OR2T11: variants seen among roughly 807,000 people sequenced by gnomAD.
The protein encoded by OR2T11 is olfactory receptor family 2 subfamily T member 11, also known as olfactory receptor 2T11.
Under a neutral mutation model 13.5 loss-of-function variants are expected in OR2T11, and 14 were observed. That is an observed-to-expected ratio of 1.04 (90% CI 0.69 to 1.62). OR2T11 has a LOEUF of 1.62. Among genes scored for constraint, OR2T11 ranks in the 40% most tolerant of loss-of-function variants. The probability of loss-of-function intolerance (pLI) is 0.00; values close to 1 mark genes in which losing one functional copy is unlikely to be tolerated. For missense variants in OR2T11, 410 were observed against 389.7 expected (o/e 1.05, Z -0.44); for synonymous variants, 163 against 154.6 (o/e 1.05, Z -0.40).
Position 248,624,415 on chromosome 1 carries a change from A to G in OR2T11, c.*1763T>C, listed in dbSNP as rs1345231547. On this transcript the variant is annotated 3_prime_UTR_variant, in exon 2 of 2. Coordinates refer to ENST00000641193, the MANE Select transcript of OR2T11 (RefSeq NM_001001964.2). ...CATTAAAAATGGTCACTAAGGTTAC[A>G]AGTAACCTTTCATGTTGCTAAATAC... is the stretch of plus-strand genomic sequence containing the variant. 7.0e-6 allele frequency: 1 copy of G among 143,564 alleles called. No homozygotes were observed. The highest frequency in any genetic ancestry group is 2.7e-5 in the African/African-American group (1 of 36,476). 8.9% of individuals were successfully genotyped at this position (143,564 alleles called of 1,614,324 possible).
Position 248,626,247 on chromosome 1 carries a change from G to C in OR2T11, c.882C>G (p.Val294=), listed in dbSNP as rs754189295. ...CAAATACCTTTTTAAATGCCCCTAT[G>C]ACGTCCTTGTTTCTGAGGCTGTAGA... is the stretch of plus-strand genomic sequence containing the variant. The part of the protein sequence containing the change: ...PLIYSLRNKD[V]IGAFKKVFAC... Residue 294 remains valine (V), a synonymous_variant, in exon 2 of 2, where the codon GTC becomes GTG. Transcript: ENST00000641193. 5 of 1,569,494 alleles carry C rather than the reference G, an allele frequency of 3.2e-6. 1 individual carries two copies. Among genetic ancestry groups the C allele is most frequent in the Non-Finnish European group, 4.3e-6 (5 of 1,153,096 alleles).
At chr1:248,630,571 G>A (rs1326654114) in intron 1 of OR2T11, among the ~76,000 whole-genome samples, 5 of 143,876 alleles carry the variant, frequency 3.5e-5, no homozygotes, top group South Asian at 2.2e-4. Flanking sequence ...TACTGCAGAT[G>A]TTAATCTAGT....
At position 248,628,815 on chromosome 1, in the gene OR2T11, A is replaced by T. The variant is rs112655569; in HGVS notation, c.-144-1543T>A. ...CATATTACTGTGAAAGGGGCTAAGG[A>T]CTGTGGCCTCCTCTGTCAGGCCTCC... is the stretch of plus-strand genomic sequence containing the variant. On this transcript the variant is annotated intron_variant, in intron 1 of 1. Coordinates refer to ENST00000641193, the MANE Select transcript of OR2T11 (RefSeq NM_001001964.2). Among the ~76,000 whole-genome samples the T allele has an allele frequency of 3.7e-3, 526 of 142,948 alleles. 96 individuals carry two copies. Among genetic ancestry groups the T allele is most frequent in the African/African-American group, 0.014 (507 of 36,224 alleles). 93.8% of individuals were successfully genotyped at this position (142,948 alleles called of 152,430 possible).
intron 1 of OR2T11, among the ~76,000 whole-genome samples, chr1:248,634,080 C>T (rs1660652695): frequency 7.1e-6 from 1 of 141,048 alleles, no homozygotes; most frequent in Admixed American, 6.9e-5. Context: ...TCAGTTTCCA[C>T]GTCGTCTCTT....
intron 1 of OR2T11, among the ~76,000 whole-genome samples, chr1:248,633,836 T>A (rs949671589): frequency 4.2e-5 from 6 of 143,928 alleles, no homozygotes; most frequent in African/African-American, 1.6e-4. Context: ...CCTTGAGAAA[T>A]GCCCCTAATG....
Position 248,627,193 on chromosome 1 carries a change from A to G in OR2T11, c.-65T>C, listed in dbSNP as rs374549249. 4.1e-5 allele frequency: 40 copies of G among 965,696 alleles called. 7 individuals carry two copies. The East Asian group carries it at 5.7e-4, about 14-fold the overall frequency. The allele number at this position is 965,696 out of a possible 1,614,324, so 59.8% of individuals were successfully genotyped here. A position where few individuals can be genotyped will look rare whatever the true frequency, so the allele number is the denominator to read the frequency against. ...CAAGGACCAGGAAGGAGGCAAGAGA[A>G]CACGGTCAAGATGGGAAAGGTCTGC... On this transcript the variant is annotated 5_prime_UTR_variant, in exon 2 of 2. Coordinates refer to ENST00000641193, the MANE Select transcript of OR2T11 (RefSeq NM_001001964.2).
chr1:248,626,501 T>A lies in OR2T11; in HGVS notation c.628A>T (p.Ile210Phe). Residue 210 changes from isoleucine (I) to phenylalanine (F), a missense_variant, in exon 2 of 2, where the codon ATC (isoleucine) becomes TTC (phenylalanine). Ile to Phe is a conservative substitution (Grantham distance 21, BLOSUM62 0). Transcript: ENST00000641193. ...ATGAGGGAGTAGGAAGTGGAGATGA[T>A]AGAGATGGGGATGAGCAACATGAGG... Reference protein sequence around the residue: ...CVLMLLIPISIISTSYSLILL... With the variant: ...CVLMLLIPISFISTSYSLILL... 6.4e-7 allele frequency: 1 copy of A among 1,571,114 alleles called. No individual in the cohort carries two copies. The highest frequency in any genetic ancestry group is 8.7e-7 in the Non-Finnish European group (1 of 1,155,178).
intron 1 of OR2T11, among the ~76,000 whole-genome samples, chr1:248,627,585 A>T (rs1660543137): frequency 7.0e-6 from 1 of 143,390 alleles, no homozygotes; most frequent in Non-Finnish European, 1.5e-5. Context: ...TCACTGAAGA[A>T]ATGAAGGGTT....
At position 248,626,909 on chromosome 1, in the gene OR2T11, T is replaced by C; in HGVS notation, c.220A>G (p.Thr74Ala). ...ATGTCTGCCAGGAGTTTTGGGACAGTGGTACAGATGAAAAGGGTGTCCATG... is the reference window on the plus strand; with the variant it reads ...ATGTCTGCCAGGAGTTTTGGGACAGCGGTACAGATGAAAAGGGTGTCCATG... ...SIMDTLFICTTVPKLLADMVS... is the reference protein window; with the variant it reads ...SIMDTLFICTAVPKLLADMVS... The change falls in exon 2 of 2, where the codon ACT becomes GCT. Residue 74 changes from threonine to alanine, a missense_variant. Physicochemically the swap from Thr to Ala is moderately conservative, Grantham distance 58. Coordinates refer to ENST00000641193, the MANE Select transcript of OR2T11 (RefSeq NM_001001964.2). 1 of 1,569,910 alleles carries C rather than the reference T, an allele frequency of 6.4e-7. No homozygotes were observed.
chr1:248,626,556 C>G lies in OR2T11; in HGVS notation c.573G>C (p.Leu191Phe). ...VLKLACADTSLYETLMYICCV... is the reference protein window; with the variant it reads ...VLKLACADTSFYETLMYICCV... Reference sequence around the variant, plus strand: ...AGCAGATGTACATCAGAGTTTCATACAAGGACGTGTCTGCACAGGCCAGTT... The same window carrying G: ...AGCAGATGTACATCAGAGTTTCATAGAAGGACGTGTCTGCACAGGCCAGTT... The change falls in exon 2 of 2, where the codon TTG becomes TTC. Residue 191 changes from leucine (L) to phenylalanine (F), a missense_variant. Transcript: ENST00000641193. 1 of 1,570,964 alleles carries G rather than the reference C, an allele frequency of 6.4e-7. No homozygotes were observed. The highest frequency in any genetic ancestry group is 8.7e-7 in the Non-Finnish European group (1 of 1,154,724).
chr1:248,633,462 A>G (rs28641997), intron 1 of OR2T11, among the ~76,000 whole-genome samples: 132,767 of 141,106 alleles, frequency 0.94, 64,204 homozygotes, highest in East Asian at 1. Flanking sequence ...GATTTTTACA[A>G]TCTTTCAAAT....
rs2103103555 is a variant in OR2T11 at position 248,631,487 on chromosome 1, C to T, written c.-145+3551G>A. Among the ~76,000 whole-genome samples the T allele has an allele frequency of 1.4e-5, 2 of 142,574 alleles. 1 individual carries two copies. Among genetic ancestry groups the T allele is most frequent in the South Asian group, 4.4e-4 (2 of 4,526 alleles). The allele number at this position is 142,574 out of a possible 152,430, so 93.5% of individuals were successfully genotyped here. A position where few individuals can be genotyped will look rare whatever the true frequency, so the allele number is the denominator to read the frequency against. On this transcript the variant is annotated intron_variant, in intron 1 of 1. Coordinates refer to ENST00000641193, the MANE Select transcript of OR2T11 (RefSeq NM_001001964.2). ...TGTTTTTCATGCTCTCTGCCACTAC[C>T]CTTAACTTCTCCCCAAAGATAATAT...
Position 248,626,578 on chromosome 1 carries a change from AG to A in OR2T11, c.550del (p.Leu184TrpfsTer12). The A allele has an allele frequency of 6.4e-7, 1 of 1,573,154 alleles. No homozygotes were observed. Among genetic ancestry groups the A allele is most frequent in the Non-Finnish European group, 8.6e-7 (1 of 1,156,476 alleles). On this transcript the variant is annotated frameshift_variant, in exon 2 of 2. Coordinates refer to ENST00000641193, the MANE Select transcript of OR2T11 (RefSeq NM_001001964.2). LOFTEE classifies it high-confidence loss of function. ...FFCEIPAVLK[L>X]ACADTSLYET... ...ATACAAGGACGTGTCTGCACAGGCCAGTTTCAGAACTGCTGGGATCTCACAG... is the reference window on the plus strand; with the variant it reads ...ATACAAGGACGTGTCTGCACAGGCCATTTCAGAACTGCTGGGATCTCACAG...
chr1:248,628,544 T>G (rs1241383561), intron 1 of OR2T11, among the ~76,000 whole-genome samples: 1 of 140,950 alleles, frequency 7.1e-6, no homozygotes, highest in East Asian at 2.0e-4. Context: ...TCAAAAAATG[T>G]TTTAGTGCAA....
intron 1 of OR2T11, among the ~76,000 whole-genome samples, chr1:248,633,841 C>G (rs1281811193): frequency 7.0e-6 from 1 of 143,826 alleles, no homozygotes; most frequent in Non-Finnish European, 1.5e-5. Context: ...AGAAATGCCC[C>G]TAATGGGACT....
In OR2T11 at chr1:248,626,161, C is replaced by T. The variant is rs1215010431; in HGVS notation, c.*17G>A. 1.0e-5 allele frequency: 14 copies of T among 1,355,292 alleles called. 2 individuals are homozygous for T. Among genetic ancestry groups the T allele is most frequent in the Non-Finnish European group, 1.1e-5 (11 of 963,546 alleles). 84.0% of individuals were successfully genotyped at this position (1,355,292 alleles called of 1,614,324 possible). On this transcript the variant is annotated 3_prime_UTR_variant, in exon 2 of 2. Transcript: ENST00000641193. ...GAGGAAGTCCTTAGGAAGCCTTATCCTCTGGGCAGTGACTCTCTAAGCATC... is the reference window on the plus strand; with the variant it reads ...GAGGAAGTCCTTAGGAAGCCTTATCTTCTGGGCAGTGACTCTCTAAGCATC...
chr1:248,626,176 C>G lies in OR2T11; in HGVS notation c.*2G>C, dbSNP rs756693173. Reference sequence around the variant, plus strand: ...AAGCCTTATCCTCTGGGCAGTGACTCTCTAAGCATCACTTGTTGCTACTTT... The same window carrying G: ...AAGCCTTATCCTCTGGGCAGTGACTGTCTAAGCATCACTTGTTGCTACTTT... On this transcript the variant is annotated 3_prime_UTR_variant, in exon 2 of 2. Transcript: ENST00000641193. The G allele has an allele frequency of 9.0e-6, 13 of 1,446,678 alleles. No individual in the cohort carries two copies. Among genetic ancestry groups the G allele is most frequent in the African/African-American group, 3.2e-5 (2 of 63,464 alleles). 89.6% of individuals were successfully genotyped at this position (1,446,678 alleles called of 1,614,324 possible). A position where few individuals can be genotyped will look rare whatever the true frequency, so the allele number is the denominator to read the frequency against.
chr1:248,625,513 T>C lies in OR2T11; in HGVS notation c.*665A>G, dbSNP rs570275471. The stretch of plus-strand genomic sequence containing the variant: ...ACATCCTCAAGGAAAGTGGCAGTCA[T>C]GTTCTTTGATGCTAAGTGTTAGAGT... On this transcript the variant is annotated 3_prime_UTR_variant, in exon 2 of 2. Transcript: ENST00000641193. 2.1e-5 allele frequency: 3 copies of C among 143,672 alleles called. No homozygotes were observed. The highest frequency in any genetic ancestry group is 6.8e-5 in the Admixed American group (1 of 14,776). 8.9% of individuals were successfully genotyped at this position (143,672 alleles called of 1,614,324 possible).
rs1660491034 is a variant in OR2T11 at position 248,624,751 on chromosome 1, G to C, written c.*1427C>G. 6.9e-6 allele frequency: 1 copy of C among 144,032 alleles called. No individual in the cohort carries two copies. Among genetic ancestry groups the C allele is most frequent in the African/African-American group, 2.7e-5 (1 of 36,650 alleles). The allele number at this position is 144,032 out of a possible 1,614,324, so 8.9% of individuals were successfully genotyped here. A position where few individuals can be genotyped will look rare whatever the true frequency, so the allele number is the denominator to read the frequency against. On this transcript the variant is annotated 3_prime_UTR_variant, in exon 2 of 2. Coordinates refer to ENST00000641193, the MANE Select transcript of OR2T11 (RefSeq NM_001001964.2). ...TTCTGTATTTATGTATTTATCTTGAGACAAGGCCTCTCTGCCAGTCAGGCT... is the reference window on the plus strand; with the variant it reads ...TTCTGTATTTATGTATTTATCTTGACACAAGGCCTCTCTGCCAGTCAGGCT...
Sources: allele counts gnomAD v4.1 joint callset (sites outside exome capture counted in the v4.1 genomes callset), GRCh38; gene constraint gnomAD v4.1.1; transcripts MANE v1.5; gene names NCBI Gene and HGNC (gene_info 2026-07-23, HGNC 2026-07-21).